The following SH3BGR variants were observed in gnomAD, a reference collection of about 807,000 sequenced individuals.
SH3BGR encodes SH3 domain binding glutamate rich protein.
In SH3BGR, 29 loss-of-function variants were observed where a neutral mutation model predicts 24.5. The observed-to-expected ratio is 1.18, with a 90% CI of 0.88 to 1.61. The LOEUF is 1.61. Among genes scored for constraint, SH3BGR ranks in the 40% most tolerant of loss-of-function variants. The pLI is 0.00. For synonymous variants in SH3BGR, 55 were observed against 65.7 expected (o/e 0.84, Z 0.79); for missense variants, 162 against 205.8 (o/e 0.79, Z 1.30).
intron 4 of SH3BGR, among the ~76,000 whole-genome samples, chr21:39,506,024 A>G (rs1238258724): frequency 2.0e-5 from 3 of 152,204 alleles, no homozygotes; most frequent in Non-Finnish European, 4.4e-5. Flanking sequence ...AAGAAAATCA[A>G]AGTTCTTTGA....
In SH3BGR at chr21:39,462,464, C is replaced by T. The variant is rs2148461464; in HGVS notation, c.135C>T (p.Asn45=). The change falls in exon 2 of 7, where the codon AAC becomes AAT. Residue 45 remains asparagine, a synonymous_variant. Transcript: ENST00000333634. ...TAGATATTGCTGGAGATGAAGACAA[C>T]AGGAGGTGGATGAGAGAGAATGTTC... ...KELDIAGDED[N]RRWMRENVPG... The T allele has an allele frequency of 2.5e-6, 4 of 1,609,068 alleles. No individual in the cohort carries two copies. The highest frequency in any genetic ancestry group is 2.2e-5 in the East Asian group (1 of 44,820).
chr21:39,501,795 A>G (rs924158520), intron 4 of SH3BGR, among the ~76,000 whole-genome samples: 2 of 152,244 alleles, frequency 1.3e-5, no homozygotes, highest in Non-Finnish European at 2.9e-5. Flanking sequence ...GAAGGAGACA[A>G]ACACCACTTA....
At chr21:39,468,735 A>G (rs1187835458) in intron 2 of SH3BGR, among the ~76,000 whole-genome samples, 2 of 152,192 alleles carry the variant, frequency 1.3e-5, no homozygotes, top group East Asian at 3.8e-4. Flanking sequence ...CACTATGCCT[A>G]GACCTTATTT....
chr21:39,499,945 A>C (rs1255462715), intron 4 of SH3BGR, 30 bp downstream of exon 4: 2 of 1,491,312 alleles, frequency 1.3e-6, no homozygotes, highest in Non-Finnish European at 1.9e-6. Context: ...CAGCAGTTTG[A>C]CTGGATTCTC....
intron 3 of SH3BGR, among the ~76,000 whole-genome samples, chr21:39,487,759 A>G (rs1300846229): frequency 2.0e-5 from 3 of 152,168 alleles, no homozygotes; most frequent in African/African-American, 7.2e-5. Context: ...AAGTTTTGAG[A>G]TTCATTTTCC....
chr21:39,468,952 T>A (rs9982529), intron 2 of SH3BGR, among the ~76,000 whole-genome samples: 125,519 of 151,776 alleles, frequency 0.83, 51,990 homozygotes, highest in Admixed American at 0.84. Context: ...TGTTTAGGCT[T>A]TCTACTTTTT....
At chr21:39,497,193 A>G (rs1039352688) in intron 3 of SH3BGR, among the ~76,000 whole-genome samples, 1 of 150,486 alleles carries the variant, frequency 6.6e-6, no homozygotes, top group African/African-American at 2.4e-5. Flanking sequence ...TTTTCATTGT[A>G]TCAGTATTTA....
intron 2 of SH3BGR, among the ~76,000 whole-genome samples, chr21:39,466,491 C>T (rs558306516): frequency 6.6e-6 from 1 of 152,252 alleles, no homozygotes; most frequent in South Asian, 2.1e-4. Flanking sequence ...TCTCACGCTG[C>T]TAATAAAGAC....
intron 1 of SH3BGR, among the ~76,000 whole-genome samples, chr21:39,456,833 C>G (rs2077662560): frequency 6.6e-6 from 1 of 152,038 alleles, no homozygotes; most frequent in African/African-American, 2.4e-5. Context: ...CTTTGTTGGC[C>G]TGAGTCTTAC....
intron 6 of SH3BGR, among the ~76,000 whole-genome samples, chr21:39,514,241 G>C (rs951272287): frequency 2.0e-5 from 3 of 152,290 alleles, no homozygotes; most frequent in African/African-American, 4.8e-5. Context: ...ATAACTCATA[G>C]ATTATCCATG....
chr21:39,454,188 T>C (rs916992092), intron 1 of SH3BGR, among the ~76,000 whole-genome samples: 2 of 152,186 alleles, frequency 1.3e-5, no homozygotes, highest in Non-Finnish European at 2.9e-5. Context: ...TCAAAACTTC[T>C]TGGCAGGAAA....
intron 3 of SH3BGR, among the ~76,000 whole-genome samples, chr21:39,484,205 A>G (rs1456207061): frequency 1.3e-5 from 2 of 152,214 alleles, no homozygotes; most frequent in East Asian, 3.9e-4. Context: ...TCAGACAGCA[A>G]CACAGAAGAT....
chr21:39,481,207 G>A lies in SH3BGR; in HGVS notation c.312+5992G>A, dbSNP rs538927086. Among the ~76,000 whole-genome samples the A allele has an allele frequency of 6.8e-4, 104 of 152,274 alleles. 1 individual carries two copies. Among genetic ancestry groups the A allele is most frequent in the African/African-American group, 2.3e-3 (96 of 41,552 alleles). On this transcript the variant is annotated intron_variant, in intron 3 of 6. Coordinates refer to ENST00000333634, the MANE Select transcript of SH3BGR (RefSeq NM_007341.3). ...TAGCCAGGCATTGTGGTTCGTGCCT[G>A]TAATCCTAGCACTTAGGAAGGTAGA...
At chr21:39,460,628 C>G (rs1001168920) in intron 1 of SH3BGR, among the ~76,000 whole-genome samples, 2 of 151,936 alleles carry the variant, frequency 1.3e-5, no homozygotes. Flanking sequence ...TGCCACCACG[C>G]CCGGGTAATT....
chr21:39,452,143 T>C lies in SH3BGR; in HGVS notation c.45+2T>C. On this transcript the variant is annotated splice_donor_variant, in intron 1 of 6. Coordinates refer to ENST00000333634, the MANE Select transcript of SH3BGR (RefSeq NM_007341.3). LOFTEE classifies it high-confidence loss of function. ...GCTACATCTTCTGGGTCCATAGCGG[T>C]AGGTGTCTGGTGGACTCTTTCTTCC... 1 of 1,614,182 alleles carries C rather than the reference T, an allele frequency of 6.2e-7. No homozygotes were observed. The highest frequency in any genetic ancestry group is 1.1e-5 in the South Asian group (1 of 91,076).
At chr21:39,467,094 T>G (rs1418271671) in intron 2 of SH3BGR, among the ~76,000 whole-genome samples, 1 of 152,234 alleles carries the variant, frequency 6.6e-6, no homozygotes, top group Non-Finnish European at 1.5e-5. Context: ...CTTAGTTTGC[T>G]TATTTTAATC....
intron 2 of SH3BGR, among the ~76,000 whole-genome samples, chr21:39,466,396 A>G (rs912144646): frequency 6.6e-6 from 1 of 152,110 alleles, no homozygotes; most frequent in Non-Finnish European, 1.5e-5. Context: ...CTGTTTTCCA[A>G]TTGGGTTATA....
intron 3 of SH3BGR, among the ~76,000 whole-genome samples, chr21:39,483,713 A>T (rs2078166384): frequency 6.6e-6 from 1 of 152,222 alleles, no homozygotes; most frequent in Non-Finnish European, 1.5e-5. Flanking sequence ...ATTTGCGTAC[A>T]TGCTGGGCCA....
chr21:39,489,751 G>A (rs1482737771), intron 3 of SH3BGR, among the ~76,000 whole-genome samples: 1 of 152,194 alleles, frequency 6.6e-6, no homozygotes, highest in Non-Finnish European at 1.5e-5. Context: ...TAGTATGCCA[G>A]GGCTACATTT....
Sources: gnomAD v4.1 joint callset for allele counts (sites outside exome capture counted in the v4.1 genomes callset) on GRCh38, gnomAD v4.1.1 for gene constraint, MANE v1.5 for transcripts, NCBI Gene and HGNC (gene_info 2026-07-23, HGNC 2026-07-21) for gene names.